TAC1: variants seen among roughly 807,000 people sequenced by gnomAD.
The protein encoded by TAC1 is protachykinin-1.
TAC1 carries 12 observed loss-of-function variants against 21.7 expected under a neutral mutation model. That is an observed-to-expected ratio of 0.55 (90% CI 0.35 to 0.89). TAC1 has a LOEUF of 0.89. Ranked by LOEUF, TAC1 falls within the 40% of genes least tolerant of loss-of-function variation. TAC1 has a pLI of 0.01. For synonymous variants in TAC1, 52 were observed against 52.0 expected, an observed-to-expected ratio of 1.00 and a Z score of 0.00; for missense variants, 128 against 151.4, an observed-to-expected ratio of 0.85 and a Z score of 0.81.
chr7:97,736,434 A>C, intron 6 of TAC1, 82 bp downstream of exon 6: 4 of 1,290,950 alleles, frequency 3.1e-6, no homozygotes, highest in Non-Finnish European at 4.4e-6. Flanking sequence ...TAAAATATTA[A>C]AAAGGAGTGG....
chr7:97,733,727 A>T lies in TAC1; in HGVS notation c.128A>T (p.Glu43Val). 6.2e-7 allele frequency: 1 copy of T among 1,613,668 alleles called. No homozygotes were observed. Among genetic ancestry groups the T allele is most frequent in the South Asian group, 1.1e-5 (1 of 91,040 alleles). Residue 43 changes from glutamate to valine, a missense_variant, in exon 3 of 7, where the codon GAA (glutamate) becomes GTA (valine). Coordinates refer to ENST00000319273, the MANE Select transcript of TAC1 (RefSeq NM_003182.3). ...GTCCGTGCTTTTGTCTCCCAGGAGGAACTGCCGGAGCCCTTTGAGCATCTT... is the reference window on the plus strand; with the variant it reads ...GTCCGTGCTTTTGTCTCCCAGGAGGTACTGCCGGAGCCCTTTGAGCATCTT... ...DWYDSDQIKEELPEPFEHLLQ... is the reference protein window; with the variant it reads ...DWYDSDQIKEVLPEPFEHLLQ...
intron 3 of TAC1, 43 bp downstream of exon 3, chr7:97,733,862 C>T: frequency 1.9e-6 from 3 of 1,580,950 alleles, no homozygotes; most frequent in Non-Finnish European, 2.6e-6. Context: ...GCAGCCCGCC[C>T]TGTCTGCTCA....
At chr7:97,734,960 T>G (rs1376186401) in intron 5 of TAC1, 111 bp downstream of exon 5, 1 of 808,772 alleles carries the variant, frequency 1.2e-6, no homozygotes, top group Non-Finnish European at 2.0e-6. Context: ...CTTAATATGT[T>G]TAATGAAGAC....
chr7:97,734,418 G>T, intron 4 of TAC1, 126 bp downstream of exon 4: 1 of 779,276 alleles, frequency 1.3e-6, no homozygotes. Context: ...ATGGATTTGC[G>T]CACTCTCTCT....
chr7:97,733,674 C>T (rs1562783989), intron 2 of TAC1, 49 bp from the exon 3 acceptor site: 1 of 1,595,590 alleles, frequency 6.3e-7, no homozygotes, highest in African/African-American at 1.3e-5. Flanking sequence ...TGCTGGGTGC[C>T]TCGCTCTGGT....
At position 97,733,716 on chromosome 7, in the gene TAC1, C is replaced by G. The variant is rs1482357825; in HGVS notation, c.124-7C>G. ...ACACGCCCTTTGTCCGTGCTTTTGT[C>G]TCCCAGGAGGAACTGCCGGAGCCCT... On this transcript the variant is annotated splice_polypyrimidine_tract_variant and splice_region_variant and intron_variant, in intron 2 of 6. Coordinates refer to ENST00000319273, the MANE Select transcript of TAC1 (RefSeq NM_003182.3). The G allele has an allele frequency of 6.2e-7, 1 of 1,613,878 alleles. No homozygotes were observed. The highest frequency in any genetic ancestry group is 2.2e-5 in the East Asian group (1 of 44,814).
At chr7:97,737,127 G>A (rs1356934703) in intron 6 of TAC1, among the ~76,000 whole-genome samples, 1 of 151,812 alleles carries the variant, frequency 6.6e-6, no homozygotes, top group Non-Finnish European at 1.5e-5. Flanking sequence ...TCATCACACT[G>A]ATTTCAATGT....
chr7:97,738,442 C>T (rs1422091937), intron 6 of TAC1, among the ~76,000 whole-genome samples: 1 of 151,978 alleles, frequency 6.6e-6, no homozygotes, highest in Non-Finnish European at 1.5e-5. Flanking sequence ...CATTAGCTTT[C>T]ATCTAATTTC....
At chr7:97,738,492 A>G (rs1396614554) in intron 6 of TAC1, among the ~76,000 whole-genome samples, 1 of 152,002 alleles carries the variant, frequency 6.6e-6, no homozygotes, top group African/African-American at 2.4e-5. Flanking sequence ...CTTGTCAGAG[A>G]CTGAACTTGG....
At position 97,732,503 on chromosome 7, in the gene TAC1, GT is replaced by G; in HGVS notation, c.-9-99del. ...TTATGTTTTTGATCTTGGTTCATCC[GT>G]TGTGGGGCAGAAAATTCTGTTGCTT... On this transcript the variant is annotated intron_variant, in intron 1 of 6. Transcript: ENST00000319273. This position sits in a 1 kb window ranked among gnomAD's most constrained non-coding sequence, Gnocchi z 6.2. 2.8e-6 allele frequency: 4 copies of G among 1,409,522 alleles called. No homozygotes were observed. Among genetic ancestry groups the G allele is most frequent in the Non-Finnish European group, 3.9e-6 (4 of 1,021,380 alleles). The allele number at this position is 1,409,522 out of a possible 1,614,324, so 87.3% of individuals were successfully genotyped here.
At chr7:97,733,660 GGGTTGCTGGGTGCCTCGCTCT>G (rs1340319892) in intron 2 of TAC1, 42 bp from the exon 3 acceptor site, 3 of 1,538,488 alleles carry the variant, frequency 1.9e-6, no homozygotes, top group Non-Finnish European at 1.8e-6. Flanking sequence ...GGAAGGGCTC[GGGTTGCTGGGTGCCTCGCTCT>G]GGTTGCCTTA....
intron 5 of TAC1, among the ~76,000 whole-genome samples, chr7:97,735,829 A>G (rs1789564811): frequency 6.6e-6 from 1 of 152,190 alleles, no homozygotes; most frequent in South Asian, 2.1e-4. Flanking sequence ...TTAATATCCA[A>G]TAAAATAAAA....
intron 2 of TAC1, 60 bp from the exon 3 acceptor site, chr7:97,733,662 GT>G: frequency 6.4e-7 from 1 of 1,553,720 alleles, no homozygotes; most frequent in Non-Finnish European, 8.9e-7. Context: ...AAGGGCTCGG[GT>G]TGCTGGGTGC....
At position 97,740,190 on chromosome 7, in the gene TAC1, C is replaced by T; in HGVS notation, c.*270C>T. ...GAAATTGTAAAACCTGTCAATGATACAGTCCCTAAAGAAAAAAAATCATTG... is the reference window on the plus strand; with the variant it reads ...GAAATTGTAAAACCTGTCAATGATATAGTCCCTAAAGAAAAAAAATCATTG... On this transcript the variant is annotated 3_prime_UTR_variant, in exon 7 of 7. Coordinates refer to ENST00000319273, the MANE Select transcript of TAC1 (RefSeq NM_003182.3). 1 of 248,422 alleles carries T rather than the reference C, an allele frequency of 4.0e-6. No homozygotes were observed. The highest frequency in any genetic ancestry group is 7.7e-6 in the Non-Finnish European group (1 of 130,556). 15.4% of individuals were successfully genotyped at this position (248,422 alleles called of 1,614,324 possible). A position where few individuals can be genotyped will look rare whatever the true frequency, so the allele number is the denominator to read the frequency against.
chr7:97,737,144 C>A (rs757987256), intron 6 of TAC1, among the ~76,000 whole-genome samples: 4 of 151,882 alleles, frequency 2.6e-5, no homozygotes, highest in Non-Finnish European at 5.9e-5. Flanking sequence ...ATGTAAATAA[C>A]CCCTAGATCA....
At chr7:97,738,995 A>AT (rs1430839289) in intron 6 of TAC1, among the ~76,000 whole-genome samples, 8 of 146,136 alleles carry the variant, frequency 5.5e-5, no homozygotes, top group South Asian at 4.3e-4. Context: ...ATTATATATA[A>AT]TAAATATAAT....
rs1432644056 is a variant in TAC1, at chr7:97,740,031, G to T, written c.*111G>T. On this transcript the variant is annotated 3_prime_UTR_variant, in exon 7 of 7. Transcript: ENST00000319273. The stretch of plus-strand genomic sequence containing the variant: ...TATTTATTTAATAACAATTGTTTGG[G>T]GTTGAAAATTCAAAAAGTGTTTATT... 1.3e-6 allele frequency: 1 copy of T among 760,132 alleles called. No individual in the cohort carries two copies. Among genetic ancestry groups the T allele is most frequent in the Non-Finnish European group, 2.0e-6 (1 of 508,386 alleles). 47.1% of individuals were successfully genotyped at this position (760,132 alleles called of 1,614,324 possible). A position where few individuals can be genotyped will look rare whatever the true frequency, so the allele number is the denominator to read the frequency against.
At position 97,732,857 on chromosome 7, in the gene TAC1, T is replaced by C. The variant is rs1211678126; in HGVS notation, c.123+122T>C. The C allele has an allele frequency of 2.3e-6, 3 of 1,314,098 alleles. No homozygotes were observed. Among genetic ancestry groups the C allele is most frequent in the Non-Finnish European group, 3.1e-6 (3 of 968,250 alleles). The allele number at this position is 1,314,098 out of a possible 1,614,324, so 81.4% of individuals were successfully genotyped here. ...CGCCACCACGGAAAGAGGCAGCGGT[T>C]GCGTGCGAGAGGATGGAAAGGGGCA... On this transcript the variant is annotated intron_variant, in intron 2 of 6. Coordinates refer to ENST00000319273, the MANE Select transcript of TAC1 (RefSeq NM_003182.3). The surrounding 1 kb of genome is among the most constrained non-coding windows in gnomAD (Gnocchi z 6.2).
chr7:97,734,752 A>G (rs1789543672), intron 4 of TAC1, 74 bp from the exon 5 acceptor site: 6 of 1,140,276 alleles, frequency 5.3e-6, no homozygotes, highest in Non-Finnish European at 6.3e-6. Flanking sequence ...GAATCAAATT[A>G]TTTTATAAAA....
Sources: gnomAD v4.1 joint callset for allele counts (sites outside exome capture counted in the v4.1 genomes callset) on GRCh38, gnomAD v4.1.1 for gene constraint, Gnocchi (gnomAD v3.1) non-coding constraint, MANE v1.5 for transcripts, NCBI Gene and HGNC (gene_info 2026-07-23, HGNC 2026-07-21) for gene names.